Variants in STK38 observed in about 807,000 individuals in gnomAD.
STK38 encodes the protein serine/threonine kinase 38.
STK38 carries 26 observed loss-of-function variants against 59.0 expected under a neutral mutation model. The ratio of observed to expected loss-of-function variants is 0.44; its 90% CI spans 0.32 to 0.61. The LOEUF is 0.61. Ranked by LOEUF, STK38 falls within the 20% of genes least tolerant of loss-of-function variation. The pLI, the probability that STK38 is intolerant of heterozygous loss-of-function variation, is 0.04. For missense variants in STK38, 433 were observed against 566.0 expected (o/e 0.76, Z 2.38); for synonymous variants, 175 against 176.6 (o/e 0.99, Z 0.07).
Position 36,524,387 on chromosome 6 carries a change from T to C in STK38, c.260A>G (p.Glu87Gly). The C allele has an allele frequency of 6.2e-7, 1 of 1,613,800 alleles. No homozygotes were observed. Among genetic ancestry groups the C allele is most frequent in the East Asian group, 2.2e-5 (1 of 44,858 alleles). The change falls in exon 4 of 14, where the codon GAA becomes GGA. Residue 87 changes from glutamate to glycine, a missense_variant. By Grantham distance (98) the Glu-to-Gly change is moderately conservative (BLOSUM62 -2). Coordinates refer to ENST00000229812, the MANE Select transcript of STK38 (RefSeq NM_007271.4). The part of the protein sequence containing the change: ...LRLKRTRLGL[E>G]DFESLKVIGR... ...TATTACTTTTAAGGACTCAAAATCT[T>C]CCAATCCAAGTCTTGTTCTCTTCAA...
chr6:36,509,648 A>C (rs1402010065), intron 7 of STK38, among the ~76,000 whole-genome samples: 1 of 152,142 alleles, frequency 6.6e-6, no homozygotes, highest in African/African-American at 2.4e-5. Context: ...TTAATTACCC[A>C]CAATGACTCA....
chr6:36,525,749 T>G, intron 2 of STK38, 107 bp from the exon 3 acceptor site: 1 of 863,686 alleles, frequency 1.2e-6, no homozygotes, highest in Non-Finnish European at 1.8e-6. Flanking sequence ...CACAAACAGG[T>G]AAATCTCAAA....
chr6:36,536,905 T>TA lies in STK38; in HGVS notation c.131+3166dup, dbSNP rs556888953. Among the ~76,000 whole-genome samples the TA allele has an allele frequency of 2.1e-3, 310 of 147,962 alleles. 1 individual carries two copies. Among genetic ancestry groups the TA allele is most frequent in the Admixed American group, 6.2e-3 (92 of 14,742 alleles). ...AAAGGTCACAGAATACAATAACCAT[T>TA]AAAAAAAAAATGCCAAATTTTATTT... On this transcript the variant is annotated intron_variant, in intron 2 of 13. Transcript: ENST00000229812.
At chr6:36,541,831 C>CTTTTT (rs58320889) in intron 1 of STK38, among the ~76,000 whole-genome samples, 1 of 135,938 alleles carries the variant, frequency 7.4e-6, no homozygotes, top group African/African-American at 2.8e-5. Flanking sequence ...TTTTCTTTTT[C>CTTTTT]TTTTTTTTTT....
chr6:36,520,391 G>A (rs1393715681), intron 5 of STK38, among the ~76,000 whole-genome samples: 2 of 152,098 alleles, frequency 1.3e-5, no homozygotes, highest in Non-Finnish European at 1.5e-5. Context: ...GGGGCACCTG[G>A]TATACATAAA....
chr6:36,525,741 C>A, intron 2 of STK38, 99 bp from the exon 3 acceptor site: 10 of 915,082 alleles, frequency 1.1e-5, no homozygotes, highest in Admixed American at 7.5e-5. Context: ...AAAAATGACA[C>A]AAACAGGTAA....
At chr6:36,495,982 A>G (rs1032152588) in intron 13 of STK38, 68 bp from the exon 14 acceptor site, 2 of 1,578,676 alleles carry the variant, frequency 1.3e-6, no homozygotes, top group Non-Finnish European at 1.7e-6. Flanking sequence ...ACGGTGCTGA[A>G]GACAGGACTA....
chr6:36,515,519 CA>C, intron 6 of STK38, 27 bp from the exon 7 acceptor site: 3 of 232,220 alleles, frequency 1.3e-5, no homozygotes, highest in African/African-American at 1.8e-4. Flanking sequence ...ACAAAGCCAC[CA>C]CACACACACA....
intron 10 of STK38, among the ~76,000 whole-genome samples, 181 bp from the exon 11 acceptor site, chr6:36,498,667 A>G (rs1310911088): frequency 6.8e-6 from 1 of 146,620 alleles, no homozygotes; most frequent in Admixed American, 7.0e-5. Flanking sequence ...GGTTCACTGC[A>G]GCCTTGAATT....
chr6:36,531,741 A>G (rs1433492968), intron 2 of STK38, among the ~76,000 whole-genome samples: 2 of 152,210 alleles, frequency 1.3e-5, no homozygotes. Context: ...AATCTGTAGA[A>G]GCTACTATAT....
intron 8 of STK38, 144 bp from the exon 9 acceptor site, chr6:36,506,788 C>G: frequency 1.5e-6 from 1 of 684,872 alleles, no homozygotes; most frequent in Non-Finnish European, 2.4e-6. Context: ...TGATACATAT[C>G]CTAGTACGTT....
intron 1 of STK38, among the ~76,000 whole-genome samples, chr6:36,546,840 G>A (rs899048944): frequency 3.3e-5 from 5 of 152,208 alleles, no homozygotes; most frequent in Admixed American, 1.3e-4. Flanking sequence ...AAAAACCGGT[G>A]ATGACCGAGA....
intron 2 of STK38, among the ~76,000 whole-genome samples, chr6:36,527,207 AATATATG>A (rs1777542548): frequency 5.9e-5 from 7 of 119,342 alleles, no homozygotes; most frequent in South Asian, 2.5e-4. Context: ...AAAAAAAAAA[AATATATG>A]TATATATATA....
chr6:36,538,032 G>A (rs1777839343), intron 2 of STK38, among the ~76,000 whole-genome samples: 1 of 152,196 alleles, frequency 6.6e-6, no homozygotes, highest in Admixed American at 6.5e-5. Flanking sequence ...CAGGCACGGT[G>A]GCTCACGCCT....
Position 36,524,305 on chromosome 6 carries a change from A to G in STK38, c.306+36T>C, listed in dbSNP as rs769686921. ...ATGTTAGAAGCTTTGAAGTTTTGCA[A>G]TATTTTTCTACTTGACAAGTAGCTG... On this transcript the variant is annotated intron_variant, in intron 4 of 13. Transcript: ENST00000229812. 8.8e-6 allele frequency: 14 copies of G among 1,588,026 alleles called. No individual in the cohort carries two copies. In the African/African-American group the frequency reaches 1.4e-4, roughly 16 times the overall value.
chr6:36,529,576 A>T (rs1777617730), intron 2 of STK38, among the ~76,000 whole-genome samples: 1 of 152,134 alleles, frequency 6.6e-6, no homozygotes, highest in Admixed American at 6.5e-5. Context: ...ATCCAGCCTC[A>T]CCCCAGTGAT....
intron 9 of STK38, among the ~76,000 whole-genome samples, chr6:36,503,450 T>TGTGTGTGTGTGTGTGTG (rs560345828): frequency 7.6e-6 from 1 of 131,340 alleles, no homozygotes; most frequent in African/African-American, 2.9e-5. Flanking sequence ...GTGTGTGTGT[T>TGTGTGTGTGTGTGTGTG]TGTGTGTGTA....
At chr6:36,514,762 C>T (rs1436395997) in intron 7 of STK38, among the ~76,000 whole-genome samples, 3 of 149,892 alleles carry the variant, frequency 2.0e-5, no homozygotes, top group Non-Finnish European at 4.4e-5. Context: ...CAATGAGAAT[C>T]GCTTGAACCC....
chr6:36,500,570 G>A (rs1776812992), intron 9 of STK38, among the ~76,000 whole-genome samples: 1 of 151,816 alleles, frequency 6.6e-6, no homozygotes, highest in Non-Finnish European at 1.5e-5. Context: ...GACCATCCTG[G>A]CCAACATGGT....
Sources: gnomAD v4.1 joint callset for allele counts (sites outside exome capture counted in the v4.1 genomes callset) on GRCh38, gnomAD v4.1.1 for gene constraint, MANE v1.5 for transcripts, NCBI Gene and HGNC (gene_info 2026-07-23, HGNC 2026-07-21) for gene names.